The following CELF2 variants were observed in gnomAD, a reference collection of about 807,000 sequenced individuals.
CELF2 encodes CUG triplet repeat RNA-binding protein 2.
In CELF2, 8 loss-of-function variants were observed where a neutral mutation model predicts 62.6. That is an observed-to-expected ratio of 0.13 (90% CI 0.07 to 0.23). The LOEUF is 0.23. Among genes scored for constraint, CELF2 ranks in the 10% least tolerant of loss-of-function variants. The pLI is 1.00. For synonymous variants in CELF2, 258 were observed against 250.0 expected (o/e 1.03, Z -0.30); for missense variants, 333 against 671.0 (o/e 0.50, Z 5.56).
chr10:11,299,314 G>A (rs893530835), intron 9 of CELF2, among the ~76,000 whole-genome samples: 9 of 152,326 alleles, frequency 5.9e-5, no homozygotes, highest in Middle Eastern at 3.4e-3. Context: ...TCCACGCGGC[G>A]CCCCAGCGAG....
At chr10:11,064,741 C>T (rs994909592) in intron 1 of CELF2, among the ~76,000 whole-genome samples, 2 of 152,068 alleles carry the variant, frequency 1.3e-5, no homozygotes, top group Non-Finnish European at 2.9e-5. Context: ...AAGGCACATT[C>T]AATTAGGGGA....
In CELF2 at chr10:11,207,840, G is replaced by A. The variant is rs73579308; in HGVS notation, c.272-9585G>A. 0.026 allele frequency among the ~76,000 whole-genome samples: 4,010 copies of A among 152,276 alleles called. 169 individuals carry two copies. Among genetic ancestry groups the A allele is most frequent in the African/African-American group, 0.091 (3,769 of 41,522 alleles). The stretch of plus-strand genomic sequence containing the variant: ...AAAGTAGATTTCTACAGGATGAGGC[G>A]TTCGTATTTGGGTAGCTGCTACTCT... On this transcript the variant is annotated intron_variant, in intron 2 of 12. Coordinates refer to ENST00000633077, the MANE Select transcript of CELF2 (RefSeq NM_001326342.2). This position sits in a 1 kb window ranked among gnomAD's most constrained non-coding sequence, Gnocchi z 4.1.
At chr10:11,072,232 T>C (rs965365793) in intron 1 of CELF2, among the ~76,000 whole-genome samples, 2 of 152,208 alleles carry the variant, frequency 1.3e-5, no homozygotes, top group African/African-American at 2.4e-5. Flanking sequence ...GAATTATGTG[T>C]TTTTCTCTCC....
chr10:11,215,721 T>A, intron 2 of CELF2, among the ~76,000 whole-genome samples: 1 of 152,290 alleles, frequency 6.6e-6, no homozygotes, highest in Admixed American at 6.5e-5. Flanking sequence ...CTGTGTTTGC[T>A]AGAAGCGTTT....
the CELF2 span, among the ~76,000 whole-genome samples, chr10:10,768,587 T>C: frequency 6.6e-6 from 1 of 151,548 alleles, no homozygotes. Flanking sequence ...CTTTTTTTTT[T>C]TTTTAAGATG....
At chr10:10,880,138 G>A (rs976238026) in intron 1 of CELF2, among the ~76,000 whole-genome samples, 54 of 152,206 alleles carry the variant, frequency 3.5e-4, no homozygotes, top group African/African-American at 1.1e-3. Flanking sequence ...CAAGAACATC[G>A]CCATGATTTG....
chr10:10,566,569 T>A, the CELF2 span, among the ~76,000 whole-genome samples: 1 of 83,262 alleles, frequency 1.2e-5, no homozygotes, highest in Non-Finnish European at 2.4e-5. Context: ...CCCTCCCCCC[T>A]CCCCCGACCC....
At chr10:11,134,439 T>C (rs558010287) in intron 1 of CELF2, among the ~76,000 whole-genome samples, 1 of 152,326 alleles carries the variant, frequency 6.6e-6, no homozygotes, top group East Asian at 1.9e-4. Flanking sequence ...TTGCATAGAA[T>C]TAGGTCTTGC....
At position 10,928,103 on chromosome 10, in the gene CELF2, A is replaced by G. The variant is rs554926835; in HGVS notation, c.89+8104A>G. On this transcript the variant is annotated intron_variant, in intron 2 of 13. Coordinates refer to the CELF2 transcript ENST00000636488. The surrounding 1 kb of genome is among the most constrained non-coding windows in gnomAD (Gnocchi z 4.8). ...TCTCCTTTCACCACCCTATTAAGTA[A>G]CCCCCCAACACACTTCCTATCACAT... Among the ~76,000 whole-genome samples the G allele has an allele frequency of 4.6e-5, 7 of 151,316 alleles. No individual in the cohort carries two copies. The highest frequency in any genetic ancestry group is 8.8e-5 in the Non-Finnish European group (6 of 67,814).
At chr10:10,572,473 G>A in the CELF2 span, among the ~76,000 whole-genome samples, 1 of 151,918 alleles carries the variant, frequency 6.6e-6, no homozygotes, top group Non-Finnish European at 1.5e-5. Context: ...AAACCAGCAT[G>A]CATCAGCTAT....
At chr10:10,842,038 A>T (rs1379209784) in intron 1 of CELF2, among the ~76,000 whole-genome samples, 1 of 151,932 alleles carries the variant, frequency 6.6e-6, no homozygotes, top group African/African-American at 2.4e-5. Context: ...AATATTTCTC[A>T]TTTTTTTCTG....
intron 8 of CELF2, among the ~76,000 whole-genome samples, chr10:11,281,280 C>A (rs942622889): frequency 6.6e-6 from 1 of 152,030 alleles, no homozygotes; most frequent in Non-Finnish European, 1.5e-5. Flanking sequence ...TTGTGGAGAC[C>A]CTGAACCCTG....
At chr10:10,669,546 G>T in the CELF2 span, among the ~76,000 whole-genome samples, 8,597 of 152,244 alleles carry the variant, frequency 0.056, 546 homozygotes, top group African/African-American at 0.15. Context: ...TAAAGAAGAT[G>T]TGCAGATTCG....
the CELF2 span, among the ~76,000 whole-genome samples, chr10:10,642,623 A>G: frequency 6.6e-6 from 1 of 152,230 alleles, no homozygotes; most frequent in African/African-American, 2.4e-5. Flanking sequence ...ATCTCTGCAA[A>G]TGTTACAGGG....
the CELF2 span, among the ~76,000 whole-genome samples, chr10:10,695,725 T>C: frequency 2.6e-5 from 4 of 152,218 alleles, no homozygotes; most frequent in African/African-American, 4.8e-5. Context: ...CTTTTTTCTC[T>C]AAACTTCCCA....
chr10:10,782,551 A>G, the CELF2 span, among the ~76,000 whole-genome samples: 151 of 152,324 alleles, frequency 9.9e-4, no homozygotes, highest in African/African-American at 3.5e-3. Flanking sequence ...ACCCAAAACA[A>G]TGTTTAATCT....
chr10:10,700,227 A>G, the CELF2 span, among the ~76,000 whole-genome samples: 2 of 152,168 alleles, frequency 1.3e-5, no homozygotes, highest in Non-Finnish European at 2.9e-5. Flanking sequence ...AAGAGACCCA[A>G]TACAGGAAGG....
At chr10:10,772,738 G>C in the CELF2 span, among the ~76,000 whole-genome samples, 1 of 152,196 alleles carries the variant, frequency 6.6e-6, no homozygotes, top group Non-Finnish European at 1.5e-5. Flanking sequence ...GTCCCCATGA[G>C]ATAATTAAAT....
At position 11,306,609 on chromosome 10, in the gene CELF2, C is replaced by A. The variant is rs749196538; in HGVS notation, c.977-7530C>A. Among the ~76,000 whole-genome samples the A allele has an allele frequency of 2.6e-5, 4 of 152,046 alleles. No individual in the cohort carries two copies. Among genetic ancestry groups the A allele is most frequent in the Non-Finnish European group, 5.9e-5 (4 of 68,016 alleles). On this transcript the variant is annotated intron_variant, in intron 9 of 12. Coordinates refer to ENST00000633077, the MANE Select transcript of CELF2 (RefSeq NM_001326342.2). This position sits in a 1 kb window ranked among gnomAD's most constrained non-coding sequence, Gnocchi z 4.4. Reference sequence around the variant, plus strand: ...GTGGCTAAATGTACAATAAAACTACCCTCTTACAACTGAGATGCCAGTTGG... The same window carrying A: ...GTGGCTAAATGTACAATAAAACTACACTCTTACAACTGAGATGCCAGTTGG...
Sources: allele counts gnomAD v4.1 joint callset (sites outside exome capture counted in the v4.1 genomes callset), GRCh38; gene constraint gnomAD v4.1.1; non-coding constraint Gnocchi (gnomAD v3.1); transcripts MANE v1.5; gene names NCBI Gene and HGNC (gene_info 2026-07-23, HGNC 2026-07-21).